The following MRS2 variants were observed in gnomAD, a reference collection of about 807,000 sequenced individuals.
The protein encoded by MRS2 is magnesium transporter MRS2 homolog, mitochondrial.
Under a neutral mutation model 52.6 loss-of-function variants are expected in MRS2, and 40 were observed. That is an observed-to-expected ratio of 0.76 (90% CI 0.59 to 0.99). The LOEUF (loss-of-function observed/expected upper bound fraction) is 0.99, where lower values mean the gene tolerates loss of function less well. Among genes scored for constraint, MRS2 ranks in the 50% least tolerant of loss-of-function variants. The probability of loss-of-function intolerance (pLI) is 0.00; values close to 1 mark genes in which losing one functional copy is unlikely to be tolerated. For missense variants in MRS2, 472 were observed against 532.7 expected (o/e 0.89, Z 1.12); for synonymous variants, 193 against 195.9 (o/e 0.98, Z 0.13).
intron 2 of MRS2, among the ~76,000 whole-genome samples, chr6:24,406,479 A>G (rs1259056807): frequency 6.6e-6 from 1 of 152,148 alleles, no homozygotes; most frequent in Non-Finnish European, 1.5e-5. Context: ...TTTAGTTAAG[A>G]ATACAAAATC....
chr6:24,423,073 C>T (rs370937407), intron 10 of MRS2, 23 bp downstream of exon 10: 18 of 1,582,002 alleles, frequency 1.1e-5, no homozygotes, highest in East Asian at 4.5e-5. Flanking sequence ...TGGTTCACGG[C>T]GGTATTGTGG....
At chr6:24,421,537 CAAG>C (rs1249594127) in intron 9 of MRS2, among the ~76,000 whole-genome samples, 1 of 152,178 alleles carries the variant, frequency 6.6e-6, no homozygotes, top group Non-Finnish European at 1.5e-5. Context: ...GGAAAAGTTC[CAAG>C]AATAGTCAAA....
At position 24,422,961 on chromosome 6, in the gene MRS2, A is replaced by G; in HGVS notation, c.1132A>G (p.Thr378Ala). ...GGACCATAGAATTTTTTGGCTGATT[A>G]CAGGAATTATGTTCATGGGAAGTGG... ...EEDHRIFWLITGIMFMGSGLI... is the reference protein window; with the variant it reads ...EEDHRIFWLIAGIMFMGSGLI... Residue 378 changes from threonine to alanine, a missense_variant, in exon 10 of 11, where the codon ACA becomes GCA. Coordinates refer to ENST00000378386, the MANE Select transcript of MRS2 (RefSeq NM_020662.4). 2.5e-6 allele frequency: 4 copies of G among 1,613,754 alleles called. No individual in the cohort carries two copies. Among genetic ancestry groups the G allele is most frequent in the Non-Finnish European group, 3.4e-6 (4 of 1,179,888 alleles).
chr6:24,415,519 G>A (rs1761820072), intron 6 of MRS2, among the ~76,000 whole-genome samples: 1 of 152,030 alleles, frequency 6.6e-6, no homozygotes, highest in African/African-American at 2.4e-5. Flanking sequence ...AAATCATAAT[G>A]CATTCCAGAA....
chr6:24,407,070 C>T lies in MRS2; in HGVS notation c.265-1338C>T, dbSNP rs111764668. ...TGTTGCTAATTTGGAAGGAGGGAGA[C>T]TGCAAAGCAGTATGTATAAGTATGT... On this transcript the variant is annotated intron_variant, in intron 2 of 10. Coordinates refer to ENST00000378386, the MANE Select transcript of MRS2 (RefSeq NM_020662.4). Among the ~76,000 whole-genome samples the T allele has an allele frequency of 2.5e-3, 355 of 140,720 alleles. 1 individual carries two copies. The highest frequency in any genetic ancestry group is 8.7e-3 in the African/African-American group (331 of 37,978). 92.3% of individuals were successfully genotyped at this position (140,720 alleles called of 152,430 possible). A position where few individuals can be genotyped will look rare whatever the true frequency, so the allele number is the denominator to read the frequency against.
At chr6:24,417,666 A>G (rs60259036) in intron 7 of MRS2, among the ~76,000 whole-genome samples, 3,313 of 152,278 alleles carry the variant, frequency 0.022, 122 homozygotes, top group African/African-American at 0.074. Flanking sequence ...AAAGGCAGCC[A>G]GGCGCTGTGG....
Position 24,422,978 on chromosome 6 carries a change from G to A in MRS2, c.1149G>A (p.Met383Ile). 4 of 1,614,082 alleles carry A rather than the reference G, an allele frequency of 2.5e-6. No homozygotes were observed. The highest frequency in any genetic ancestry group is 3.4e-6 in the Non-Finnish European group (4 of 1,179,972). The change falls in exon 10 of 11, where the codon ATG becomes ATA. Residue 383 changes from methionine to isoleucine, a missense_variant. Met to Ile is a conservative substitution (Grantham distance 10). Coordinates refer to ENST00000378386, the MANE Select transcript of MRS2 (RefSeq NM_020662.4). ...GGCTGATTACAGGAATTATGTTCATGGGAAGTGGCCTCATCTGGAGGCGCC... is the reference window on the plus strand; with the variant it reads ...GGCTGATTACAGGAATTATGTTCATAGGAAGTGGCCTCATCTGGAGGCGCC... ...IFWLITGIMF[M>I]GSGLIWRRLL...
At chr6:24,422,237 T>C (rs1762068223) in intron 9 of MRS2, among the ~76,000 whole-genome samples, 1 of 152,210 alleles carries the variant, frequency 6.6e-6, no homozygotes, top group African/African-American at 2.4e-5. Context: ...TAACAGGCTA[T>C]CTTTGAGGAA....
At chr6:24,414,845 G>A (rs1761794401) in intron 5 of MRS2, among the ~76,000 whole-genome samples, 188 bp from the exon 6 acceptor site, 2 of 152,210 alleles carry the variant, frequency 1.3e-5, no homozygotes, top group Admixed American at 1.3e-4. Flanking sequence ...ATCATACATA[G>A]TTCTTTGAAC....
At chr6:24,418,337 ATAC>A in intron 8 of MRS2, 101 bp downstream of exon 8, 5 of 1,506,450 alleles carry the variant, frequency 3.3e-6, no homozygotes, top group Admixed American at 2.3e-5. Flanking sequence ...ATTATCATCT[ATAC>A]TACATTATTA....
intron 9 of MRS2, among the ~76,000 whole-genome samples, 166 bp from the exon 10 acceptor site, chr6:24,422,771 T>C (rs1447333043): frequency 6.6e-6 from 1 of 152,256 alleles, no homozygotes; most frequent in Non-Finnish European, 1.5e-5. Flanking sequence ...CTTCTCCTGC[T>C]TTATTCTGTG....
intron 4 of MRS2, among the ~76,000 whole-genome samples, chr6:24,411,086 A>C (rs1345083311): frequency 1.3e-5 from 2 of 151,952 alleles, no homozygotes. Flanking sequence ...GCTACTCAGG[A>C]GGCTGAGGTA....
Position 24,412,226 on chromosome 6 carries a change from T to C in MRS2, c.419T>C (p.Leu140Ser). The C allele has an allele frequency of 6.4e-7, 1 of 1,551,872 alleles. No individual in the cohort carries two copies. The highest frequency in any genetic ancestry group is 8.7e-7 in the Non-Finnish European group (1 of 1,154,846). ...TGGTTTTTTTTTTTTTAACAGTATTTGAAAGCTGTGATAACTCCAGAGTGT... is the reference window on the plus strand; with the variant it reads ...TGGTTTTTTTTTTTTTAACAGTATTCGAAAGCTGTGATAACTCCAGAGTGT... Reference protein sequence around the residue: ...NNRIIMRMEYLKAVITPECLL... With the variant: ...NNRIIMRMEYSKAVITPECLL... Residue 140 changes from leucine to serine, a missense_variant, in exon 5 of 11, where the codon TTG (leucine) becomes TCG (serine). Physicochemically the swap from Leu to Ser is moderately radical, Grantham distance 145. Transcript: ENST00000378386.
At chr6:24,419,830 A>G (rs148737481) in intron 9 of MRS2, among the ~76,000 whole-genome samples, 14 of 152,302 alleles carry the variant, frequency 9.2e-5, no homozygotes, top group African/African-American at 2.9e-4. Context: ...AGTACAGTCA[A>G]CCTTGCATAT....
At chr6:24,416,694 T>C (rs1357143976) in intron 7 of MRS2, among the ~76,000 whole-genome samples, 181 bp downstream of exon 7, 3 of 152,230 alleles carry the variant, frequency 2.0e-5, no homozygotes, top group Non-Finnish European at 4.4e-5. Context: ...TGTAATTCTA[T>C]GAGTATGCAT....
chr6:24,417,703 G>C (rs1761896291), intron 7 of MRS2, among the ~76,000 whole-genome samples: 1 of 152,162 alleles, frequency 6.6e-6, no homozygotes, highest in South Asian at 2.1e-4. Context: ...CAGCACTTTG[G>C]GAAGCCGAGG....
At chr6:24,414,748 C>T (rs113933983) in intron 5 of MRS2, among the ~76,000 whole-genome samples, 18,667 of 152,192 alleles carry the variant, frequency 0.12, 1,483 homozygotes, top group East Asian at 0.16. Flanking sequence ...CCCCTCACCT[C>T]CCGGACGGGG....
At chr6:24,420,981 A>G (rs1762025125) in intron 9 of MRS2, among the ~76,000 whole-genome samples, 1 of 152,112 alleles carries the variant, frequency 6.6e-6, no homozygotes, top group Admixed American at 6.5e-5. Flanking sequence ...AGATCATTGG[A>G]AAGTTCAGAA....
chr6:24,425,348 T>C lies in MRS2; in HGVS notation c.*1654T>C, dbSNP rs1762197548. ...TTTTTGTCATTTTTCCTTGCAGTTT[T>C]ATTGACTTAGTTTATGAGCTTGGAT... On this transcript the variant is annotated 3_prime_UTR_variant, in exon 11 of 11. Transcript: ENST00000378386. The C allele has an allele frequency of 6.6e-6, 1 of 152,242 alleles. No individual in the cohort carries two copies. The highest frequency in any genetic ancestry group is 1.5e-5 in the Non-Finnish European group (1 of 68,034). The allele number at this position is 152,242 out of a possible 1,614,324, so 9.4% of individuals were successfully genotyped here.
Sources: gnomAD v4.1 joint callset for allele counts (sites outside exome capture counted in the v4.1 genomes callset) on GRCh38, gnomAD v4.1.1 for gene constraint, MANE v1.5 for transcripts, NCBI Gene and HGNC (gene_info 2026-07-23, HGNC 2026-07-21) for gene names.